CNIH3: variants seen among roughly 807,000 people sequenced by gnomAD.
CNIH3 encodes the protein protein cornichon homolog 3.
In CNIH3, 14 loss-of-function variants were observed where a neutral mutation model predicts 24.1. The observed-to-expected ratio is 0.58, with a 90% confidence interval of 0.38 to 0.91. CNIH3 has a LOEUF of 0.91. Among genes scored for constraint, CNIH3 ranks in the 40% least tolerant of loss-of-function variants. The probability of loss-of-function intolerance (pLI) is 0.00; values close to 1 mark genes in which losing one functional copy is unlikely to be tolerated. For missense variants in CNIH3, 178 were observed against 196.8 expected (o/e 0.90, Z 0.57); for synonymous variants, 68 against 73.8 (o/e 0.92, Z 0.40).
At chr1:224,663,310 A>G (rs568875005) in intron 1 of CNIH3, among the ~76,000 whole-genome samples, 1 of 152,238 alleles carries the variant, frequency 6.6e-6, no homozygotes, top group Admixed American at 6.5e-5. Flanking sequence ...TAAAGAATGC[A>G]TCCAAGCAGG....
chr1:224,434,990 A>C, intron 1 of CNIH3: 2 of 985,168 alleles, frequency 2.0e-6, no homozygotes, highest in Non-Finnish European at 1.2e-6. Context: ...CTCCTATCCG[A>C]TCCTATCCCC....
At chr1:224,547,626 C>T (rs905541092) in intron 3 of CNIH3, among the ~76,000 whole-genome samples, 5 of 150,294 alleles carry the variant, frequency 3.3e-5, no homozygotes, top group South Asian at 2.1e-4. Flanking sequence ...GTGTACACCC[C>T]GTGATATTAT....
intron 1 of CNIH3, among the ~76,000 whole-genome samples, chr1:224,448,015 A>AT (rs998957814): frequency 4.7e-4 from 71 of 152,348 alleles, no homozygotes; most frequent in African/African-American, 1.6e-3. Context: ...ACTAGAGCCC[A>AT]TGCTGTTAAC....
rs760624445 is a variant in CNIH3, at chr1:224,506,269, ACG to A, written n.204-9454_204-9453del. On this transcript the variant is annotated intron_variant and non_coding_transcript_variant, in intron 1 of 5. Transcript: ENST00000471578. ...ATTCCTTACACTCATATGCACGCAC[ACG>A]CGCGCGCGCGCGCGCGCACACACAC... Among the ~76,000 whole-genome samples, 692 of 130,814 alleles carry A rather than the reference ACG, an allele frequency of 5.3e-3. 5 individuals carry two copies. Among genetic ancestry groups the A allele is most frequent in the South Asian group, 0.026 (110 of 4,166 alleles). 85.8% of individuals were successfully genotyped at this position (130,814 alleles called of 152,430 possible).
At chr1:224,469,070 TTTC>T (rs1285920256) in intron 1 of CNIH3, among the ~76,000 whole-genome samples, 14 of 151,914 alleles carry the variant, frequency 9.2e-5, no homozygotes, top group African/African-American at 3.4e-4. Flanking sequence ...TCATATGACT[TTTC>T]TTCTTTTTTA....
intron 1 of CNIH3, among the ~76,000 whole-genome samples, chr1:224,469,769 C>G (rs1676293303): frequency 6.6e-6 from 1 of 152,144 alleles, no homozygotes; most frequent in Admixed American, 6.5e-5. Flanking sequence ...AAACATCTTA[C>G]ATATTTTACC....
chr1:224,630,477 A>G (rs1198118576), intron 1 of CNIH3, among the ~76,000 whole-genome samples: 2 of 152,154 alleles, frequency 1.3e-5, no homozygotes, highest in African/African-American at 4.8e-5. Context: ...CCAGATTTGT[A>G]AAAAGGTAGT....
At chr1:224,729,094 G>A (rs1026386339) in intron 3 of CNIH3, among the ~76,000 whole-genome samples, 1 of 152,004 alleles carries the variant, frequency 6.6e-6, no homozygotes, top group Non-Finnish European at 1.5e-5. Flanking sequence ...AACAAGGGAC[G>A]GTAGGCAGAG....
intron 1 of CNIH3, among the ~76,000 whole-genome samples, chr1:224,679,420 T>C (rs567239428): frequency 6.6e-5 from 10 of 152,242 alleles, no homozygotes; most frequent in Non-Finnish European, 1.3e-4. Flanking sequence ...GGTAGCAGGC[T>C]GGATTTGGCC....
intron 5 of CNIH3, among the ~76,000 whole-genome samples, chr1:224,587,797 C>T (rs780414724): frequency 1.3e-4 from 20 of 151,824 alleles, no homozygotes; most frequent in Non-Finnish European, 2.2e-4. Flanking sequence ...AAAAAAATAG[C>T]GGGGCATGGT....
At chr1:224,456,824 C>T (rs1345434691) in intron 1 of CNIH3, among the ~76,000 whole-genome samples, 2 of 152,194 alleles carry the variant, frequency 1.3e-5, no homozygotes, top group East Asian at 1.9e-4. Context: ...AAGGCCTTGT[C>T]GTAACTGCTT....
intron 1 of CNIH3, among the ~76,000 whole-genome samples, chr1:224,465,898 G>A (rs1444135981): frequency 1.3e-5 from 2 of 152,170 alleles, no homozygotes; most frequent in East Asian, 1.9e-4. Context: ...CATGGTGTCG[G>A]GCACCTGTAA....
rs60228269 is a variant in CNIH3, at chr1:224,637,393, A to G, written c.81+20138A>G. Among the ~76,000 whole-genome samples the G allele has an allele frequency of 2.8e-3, 297 of 107,110 alleles. 4 individuals carry two copies. The East Asian group carries it at 0.04, about 14-fold the overall frequency. The allele number at this position is 107,110 out of a possible 152,430, so 70.3% of individuals were successfully genotyped here. A position where few individuals can be genotyped will look rare whatever the true frequency, so the allele number is the denominator to read the frequency against. ...TCCAACCCACCCTCCCCACCCCCCAAGTTAGTTCTCCTGTCTCTGGGTTGC... is the reference window on the plus strand; with the variant it reads ...TCCAACCCACCCTCCCCACCCCCCAGGTTAGTTCTCCTGTCTCTGGGTTGC... On this transcript the variant is annotated intron_variant, in intron 1 of 5. Coordinates refer to ENST00000272133, the MANE Select transcript of CNIH3 (RefSeq NM_152495.2).
At chr1:224,668,468 G>A (rs1572691283) in intron 1 of CNIH3, among the ~76,000 whole-genome samples, 2 of 152,188 alleles carry the variant, frequency 1.3e-5, no homozygotes, top group Admixed American at 6.5e-5. Flanking sequence ...CTACCACAGT[G>A]CCTGGCAAAT....
chr1:224,616,558 C>A lies in CNIH3; in HGVS notation c.-617C>A. 1 of 986,910 alleles carries A rather than the reference C, an allele frequency of 1.0e-6. No individual in the cohort carries two copies. The highest frequency in any genetic ancestry group is 1.2e-6 in the Non-Finnish European group (1 of 830,936). 61.1% of individuals were successfully genotyped at this position (986,910 alleles called of 1,614,324 possible). ...GAGCGCACGGCTGCGCTGGAAGCCG[C>A]GTCTGGGGCGCAGGACCAACGGGAC... On this transcript the variant is annotated 5_prime_UTR_variant, in exon 1 of 6. Transcript: ENST00000272133.
intron 1 of CNIH3, chr1:224,435,611 C>T (rs1674622032): frequency 6.6e-6 from 1 of 152,234 alleles, no homozygotes; most frequent in Non-Finnish European, 1.5e-5. Context: ...ATAAACCAAA[C>T]AGTTGCCTCC....
intron 1 of CNIH3, among the ~76,000 whole-genome samples, chr1:224,643,420 G>A (rs1572645006): frequency 6.6e-6 from 1 of 152,332 alleles, no homozygotes; most frequent in African/African-American, 2.4e-5. Context: ...CGAGGTGTTA[G>A]TGTAACCACA....
At chr1:224,639,908 C>G (rs1684275559) in intron 1 of CNIH3, among the ~76,000 whole-genome samples, 1 of 152,182 alleles carries the variant, frequency 6.6e-6, no homozygotes, top group Non-Finnish European at 1.5e-5. Flanking sequence ...TCCAAGATAT[C>G]CCACCTTTTG....
At chr1:224,715,329 G>A (rs753705376) in intron 3 of CNIH3, among the ~76,000 whole-genome samples, 2 of 151,924 alleles carry the variant, frequency 1.3e-5, no homozygotes, top group African/African-American at 2.4e-5. Context: ...TGCTGCTTTC[G>A]CTACTCATTC....
Sources: gnomAD v4.1 joint callset for allele counts (sites outside exome capture counted in the v4.1 genomes callset) on GRCh38, gnomAD v4.1.1 for gene constraint, MANE v1.5 for transcripts, NCBI Gene and HGNC (gene_info 2026-07-23, HGNC 2026-07-21) for gene names.